The following STEAP3 variants were observed in gnomAD, a reference collection of about 807,000 sequenced individuals.
STEAP3 encodes the protein metalloreductase STEAP3.
Under a neutral mutation model 34.9 loss-of-function variants are expected in STEAP3, and 35 were observed. That is an observed-to-expected ratio of 1.00 (90% CI 0.76 to 1.33). The LOEUF (loss-of-function observed/expected upper bound fraction) is 1.33, where lower values mean the gene tolerates loss of function less well. STEAP3 is among the 40% of genes most tolerant of loss of function. STEAP3 has a pLI of 0.00. For synonymous variants in STEAP3, 281 were observed against 301.6 expected (o/e 0.93, Z 0.71); for missense variants, 652 against 667.6 (o/e 0.98, Z 0.26).
At chr2:119,245,208 C>T in intron 2 of STEAP3, 1 of 443,578 alleles carries the variant, frequency 2.3e-6, no homozygotes. Context: ...TTTCCCAGCA[C>T]TCTCACTCTG....
At chr2:119,243,601 G>A (rs776960773) in intron 2 of STEAP3, among the ~76,000 whole-genome samples, 1 of 152,224 alleles carries the variant, frequency 6.6e-6, no homozygotes, top group Non-Finnish European at 1.5e-5. Flanking sequence ...AGCAATGGGT[G>A]TATGGTAGGC....
chr2:119,241,677 C>T (rs956035964), intron 2 of STEAP3, among the ~76,000 whole-genome samples: 3 of 152,122 alleles, frequency 2.0e-5, no homozygotes, highest in African/African-American at 4.8e-5. Context: ...TAGGGGCAGA[C>T]GTGGGACCAG....
chr2:119,256,261 C>T (rs576682696), intron 5 of STEAP3, among the ~76,000 whole-genome samples: 22 of 152,316 alleles, frequency 1.4e-4, no homozygotes, highest in Admixed American at 2.0e-4. Context: ...AGTGTGTCTG[C>T]CTCTGAATCT....
chr2:119,245,125 T>C (rs2104817674), intron 2 of STEAP3: 1 of 234,842 alleles, frequency 4.3e-6, no homozygotes, highest in South Asian at 1.0e-4. Flanking sequence ...CTAGTGACAC[T>C]GTCCATTGCC....
intron 5 of STEAP3, among the ~76,000 whole-genome samples, chr2:119,258,830 G>A (rs1166746707): frequency 6.8e-6 from 1 of 147,220 alleles, no homozygotes; most frequent in African/African-American, 2.5e-5. Flanking sequence ...CACCGTGTTA[G>A]GCAGGATGGT....
intron 2 of STEAP3, among the ~76,000 whole-genome samples, chr2:119,234,012 G>A (rs1677018288): frequency 6.6e-6 from 1 of 152,232 alleles, no homozygotes; most frequent in South Asian, 2.1e-4. Context: ...GAGGGGCAGG[G>A]GAGGGCCCCT....
chr2:119,245,694 G>A lies in STEAP3; in HGVS notation c.228G>A (p.Arg76=). Reference sequence around the variant, plus strand: ...GCCGCAACCCCAAACGCACAGCCAGGCTGTTTCCCTCAGCGGCCCAAGTGA... The same window carrying A: ...GCCGCAACCCCAAACGCACAGCCAGACTGTTTCCCTCAGCGGCCCAAGTGA... ...VGSRNPKRTA[R]LFPSAAQVTF... is the part of the protein sequence containing the mutation. Residue 76 remains arginine (R), a synonymous_variant, in exon 3 of 6, where the codon AGG becomes AGA. Coordinates refer to ENST00000393110, the MANE Select transcript of STEAP3 (RefSeq NM_182915.3). 1.2e-6 allele frequency: 2 copies of A among 1,614,140 alleles called. No individual in the cohort carries two copies. Among genetic ancestry groups the A allele is most frequent in the Non-Finnish European group, 1.7e-6 (2 of 1,179,996 alleles).
chr2:119,231,052 G>A lies in STEAP3; in HGVS notation c.22+18G>A, dbSNP rs371678917. On this transcript the variant is annotated intron_variant, in intron 2 of 5. Transcript: ENST00000393110. ...TGCTGTTGGTAAGTCTGGCTAGGAC[G>A]CAGATCCAAGGGGGCATGGGTCGTG... The A allele has an allele frequency of 9.3e-6, 15 of 1,613,970 alleles. No individual in the cohort carries two copies. Among genetic ancestry groups the A allele is most frequent in the Admixed American group, 3.3e-5 (2 of 59,998 alleles).
chr2:119,263,002 A>G, intron 5 of STEAP3, 55 bp from the exon 6 acceptor site: 1 of 1,581,320 alleles, frequency 6.3e-7, no homozygotes, highest in East Asian at 2.2e-5. Context: ...CGTTGGCAGG[A>G]TCACTGCATC....
chr2:119,250,882 G>A (rs868784095), intron 4 of STEAP3, among the ~76,000 whole-genome samples: 10 of 152,166 alleles, frequency 6.6e-5, no homozygotes, highest in Admixed American at 4.6e-4. Context: ...CATCCCTCCC[G>A]CAGGACGAGA....
At chr2:119,247,628 C>A in intron 3 of STEAP3, 51 bp from the exon 4 acceptor site, 1 of 1,489,466 alleles carries the variant, frequency 6.7e-7, no homozygotes, top group Admixed American at 2.3e-5. Context: ...GAGGCCCTGC[C>A]CACTCCTGTG....
chr2:119,231,487 A>T (rs1676935442), intron 2 of STEAP3, among the ~76,000 whole-genome samples: 1 of 152,074 alleles, frequency 6.6e-6, no homozygotes. Context: ...TTTAGCACGG[A>T]ACTGCTGCTG....
Position 119,248,159 on chromosome 2 carries a change from C to T in STEAP3, c.1003C>T (p.Leu335=), listed in dbSNP as rs1357798853. 1.9e-6 allele frequency: 3 copies of T among 1,605,032 alleles called. No homozygotes were observed. The highest frequency in any genetic ancestry group is 2.7e-5 in the African/African-American group (2 of 74,802). ...CGCCCTCTACAGCTTCTGCTTGCCG[C>T]TGCGCCGCGCCCACCGCTACGACCT... ...LHALYSFCLP[L]RRAHRYDLVN... Residue 335 remains leucine (L), a synonymous_variant, in exon 4 of 6, where the codon CTG becomes TTG. Transcript: ENST00000393110.
intron 2 of STEAP3, 48 bp downstream of exon 2, chr2:119,231,082 AACCCCTCCC>A (rs1676920392): frequency 6.2e-7 from 1 of 1,612,958 alleles, no homozygotes; most frequent in South Asian, 1.1e-5. Context: ...GTCGTGTGCA[AACCCCTCCC>A]ACCAGCTCCC....
Position 119,231,119 on chromosome 2 carries a change from C to A in STEAP3, c.22+85C>A, listed in dbSNP as rs1030634874. The A allele has an allele frequency of 2.5e-6, 4 of 1,578,566 alleles. No homozygotes were observed. The South Asian group carries it at 3.4e-5, about 13-fold the overall frequency. On this transcript the variant is annotated intron_variant, in intron 2 of 5. Coordinates refer to ENST00000393110, the MANE Select transcript of STEAP3 (RefSeq NM_182915.3). Reference sequence around the variant, plus strand: ...CAGCTCCCTCACCACCTGACCCCTGCCCTGCTGGAGGGTGCCCCTTGAATC... The same window carrying A: ...CAGCTCCCTCACCACCTGACCCCTGACCTGCTGGAGGGTGCCCCTTGAATC...
chr2:119,248,773 T>C (rs2104827554), intron 4 of STEAP3: 1 of 152,326 alleles, frequency 6.6e-6, no homozygotes, highest in South Asian at 2.1e-4. Flanking sequence ...AGGCTCCGAG[T>C]GAAATAGGGA....
chr2:119,233,654 G>A (rs1677008074), intron 2 of STEAP3, among the ~76,000 whole-genome samples: 1 of 152,172 alleles, frequency 6.6e-6, no homozygotes, highest in African/African-American at 2.4e-5. Context: ...ACAGAAATGA[G>A]TTTTTTATTG....
chr2:119,230,873 C>T lies in STEAP3; in HGVS notation c.-140C>T. On this transcript the variant is annotated 5_prime_UTR_variant, in exon 2 of 6. Transcript: ENST00000393110. Reference sequence around the variant, plus strand: ...GGCAGCTGGCTGTGCAAGACCCTGGCAGGGCCCTCGCCTCCTGAGAAACCG... The same window carrying T: ...GGCAGCTGGCTGTGCAAGACCCTGGTAGGGCCCTCGCCTCCTGAGAAACCG... 8.8e-7 allele frequency: 1 copy of T among 1,140,254 alleles called. No homozygotes were observed. The highest frequency in any genetic ancestry group is 1.3e-6 in the Non-Finnish European group (1 of 769,104). The allele number at this position is 1,140,254 out of a possible 1,614,324, so 70.6% of individuals were successfully genotyped here.
In STEAP3 at chr2:119,262,930, C is replaced by A; in HGVS notation, c.1216-127C>A. On this transcript the variant is annotated intron_variant, in intron 5 of 5. Transcript: ENST00000393110. ...TAAGAGAGTGACAGGACTGGGGTTC[C>A]AACCCATAGCGGTGAGTACTAAAGC... is the stretch of plus-strand genomic sequence containing the variant. 4 of 1,298,404 alleles carry A rather than the reference C, an allele frequency of 3.1e-6. No individual in the cohort carries two copies. The Admixed American group carries it at 5.7e-5, about 19-fold the overall frequency. The allele number at this position is 1,298,404 out of a possible 1,614,324, so 80.4% of individuals were successfully genotyped here. A position where few individuals can be genotyped will look rare whatever the true frequency, so the allele number is the denominator to read the frequency against.
Sources: gnomAD v4.1 joint callset for allele counts (sites outside exome capture counted in the v4.1 genomes callset) on GRCh38, gnomAD v4.1.1 for gene constraint, MANE v1.5 for transcripts, NCBI Gene and HGNC (gene_info 2026-07-23, HGNC 2026-07-21) for gene names.